The following RPS6KA2 variants were observed in gnomAD, a reference collection of about 807,000 sequenced individuals.
RPS6KA2 encodes the protein ribosomal protein S6 kinase alpha-2.
A neutral mutation model predicts 91.8 loss-of-function variants in RPS6KA2; 42 were observed. The ratio of observed to expected loss-of-function variants is 0.46; its 90% CI spans 0.36 to 0.59. The LOEUF (loss-of-function observed/expected upper bound fraction) is 0.59, where lower values mean the gene tolerates loss of function less well. Among genes scored for constraint, RPS6KA2 ranks in the 20% least tolerant of loss-of-function variants. The probability of loss-of-function intolerance (pLI) is 0.00; values close to 1 mark genes in which losing one functional copy is unlikely to be tolerated. For synonymous variants in RPS6KA2, 414 were observed against 393.6 expected, an observed-to-expected ratio of 1.05 and a Z score of -0.61; for missense variants, 798 against 978.5, an observed-to-expected ratio of 0.82 and a Z score of 2.46.
At chr6:166,571,433 A>C (rs1343195059) in intron 1 of RPS6KA2, among the ~76,000 whole-genome samples, 1 of 152,260 alleles carries the variant, frequency 6.6e-6, no homozygotes, top group Non-Finnish European at 1.5e-5. Flanking sequence ...CTGAACTTTA[A>C]AAGCTCGTAA....
At chr6:166,751,775 A>C (rs185295599) in intron 2 of RPS6KA2, among the ~76,000 whole-genome samples, 91 of 152,380 alleles carry the variant, frequency 6.0e-4, no homozygotes, top group South Asian at 5.8e-3. Flanking sequence ...ATGCAAAGCC[A>C]AACAGTGGCA....
chr6:166,549,445 A>G (rs9348147), intron 1 of RPS6KA2, among the ~76,000 whole-genome samples: 56,134 of 152,156 alleles, frequency 0.37, 11,187 homozygotes, highest in South Asian at 0.56. Context: ...GCTGCAGTAC[A>G]TCACATCATG....
chr6:166,599,795 C>T (rs974137704), intron 1 of RPS6KA2, among the ~76,000 whole-genome samples: 3 of 152,104 alleles, frequency 2.0e-5, no homozygotes, highest in South Asian at 2.1e-4. Flanking sequence ...CTGGGAGAAA[C>T]GACACAGGCT....
Position 166,812,810 on chromosome 6 carries a change from C to G in RPS6KA2, c.123+45390G>C, listed in dbSNP as rs73268909. Among the ~76,000 whole-genome samples the G allele has an allele frequency of 4.1e-3, 626 of 152,300 alleles. 8 individuals carry two copies. Among genetic ancestry groups the G allele is most frequent in the African/African-American group, 0.014 (582 of 41,568 alleles). On this transcript the variant is annotated intron_variant, in intron 2 of 21. Transcript: ENST00000503859. ...TCACATTTTTCATCTTTGAGATTCA[C>G]AGCCACATCACTGAGAAATATGTTA...
Position 166,412,866 on chromosome 6 carries a change from A to T in RPS6KA2, c.2098T>A (p.Phe700Ile), listed in dbSNP as rs1450316339. The T allele has an allele frequency of 6.4e-7, 1 of 1,561,270 alleles. No individual in the cohort carries two copies. The highest frequency in any genetic ancestry group is 1.4e-5 in the African/African-American group (1 of 73,872). The change falls in exon 21 of 21, where the codon TTT becomes ATT. Residue 700 changes from phenylalanine (F) to isoleucine (I), a missense_variant. By Grantham distance (21) the Phe-to-Ile change is conservative. Coordinates refer to ENST00000265678, the MANE Select transcript of RPS6KA2 (RefSeq NM_021135.6). The surrounding 1 kb of genome is among the most constrained non-coding windows in gnomAD (Gnocchi z 4.3). ...GCCTGAGGTGTTCTGTTTAGAGCAA[A>T]GTAGGTGGCGGCCATCGCGCCCTGC... Reference protein sequence around the residue: ...LVKGAMAATYFALNRTPQAPR... With the variant: ...LVKGAMAATYIALNRTPQAPR...
intron 2 of RPS6KA2, among the ~76,000 whole-genome samples, chr6:166,638,984 G>A (rs901199741): frequency 1.3e-5 from 2 of 152,052 alleles, no homozygotes; most frequent in African/African-American, 4.8e-5. Context: ...TGAAGAGGGA[G>A]GAAGAAGAGG....
chr6:166,455,590 C>T (rs983070753), intron 12 of RPS6KA2, among the ~76,000 whole-genome samples: 2 of 152,190 alleles, frequency 1.3e-5, no homozygotes, highest in Non-Finnish European at 2.9e-5. Flanking sequence ...TCCAGACTAG[C>T]GAAGCGTCGT....
chr6:166,802,054 G>A (rs201685660), intron 2 of RPS6KA2, among the ~76,000 whole-genome samples: 32 of 151,926 alleles, frequency 2.1e-4, no homozygotes, highest in African/African-American at 7.7e-4. Flanking sequence ...TCAGGAGATC[G>A]AGACCATCCT....
chr6:166,416,712 C>G (rs74300212), intron 19 of RPS6KA2, among the ~76,000 whole-genome samples: 2 of 151,542 alleles, frequency 1.3e-5, no homozygotes, highest in African/African-American at 4.9e-5. Flanking sequence ...TCTCCACAAT[C>G]GTCACCTCCA....
intron 2 of RPS6KA2, among the ~76,000 whole-genome samples, chr6:166,646,744 C>A (rs1257776260): frequency 6.6e-6 from 1 of 152,186 alleles, no homozygotes; most frequent in Non-Finnish European, 1.5e-5. Context: ...ATCCTTGACT[C>A]CTACCAAGCA....
chr6:166,843,445 C>T (rs750017858), intron 2 of RPS6KA2, among the ~76,000 whole-genome samples: 1 of 152,206 alleles, frequency 6.6e-6, no homozygotes, highest in East Asian at 1.9e-4. Context: ...GCACCACCTC[C>T]TGGCTGGAGG....
In RPS6KA2 at chr6:166,774,738, G is replaced by A. The variant is rs1485324067; in HGVS notation, c.123+83462C>T. 4.6e-5 allele frequency among the ~76,000 whole-genome samples: 7 copies of A among 152,190 alleles called. No homozygotes were observed. In the East Asian group the frequency reaches 1.3e-3, roughly 29 times the overall value. On this transcript the variant is annotated intron_variant, in intron 2 of 21. Transcript: ENST00000503859. ...CATATTGGGCTCCCAGCAGACAGCA[G>A]CCATCAGTGAACATCAGCATGATGA...
chr6:166,721,062 C>T (rs896634167), intron 2 of RPS6KA2, among the ~76,000 whole-genome samples: 4 of 152,224 alleles, frequency 2.6e-5, no homozygotes, highest in Non-Finnish European at 4.4e-5. Context: ...TGAGTTCACA[C>T]AAGCAAGTGC....
intron 1 of RPS6KA2, among the ~76,000 whole-genome samples, chr6:166,566,344 G>A (rs536292572): frequency 5.9e-5 from 9 of 152,324 alleles, no homozygotes; most frequent in South Asian, 2.1e-4. Context: ...CTTCACAGGC[G>A]TAGGCAGTGT....
intron 5 of RPS6KA2, among the ~76,000 whole-genome samples, chr6:166,507,221 C>T (rs917468469): frequency 1.3e-5 from 2 of 152,132 alleles, no homozygotes; most frequent in East Asian, 1.9e-4. Context: ...CACCGACCTG[C>T]GCCTTCCATC....
At chr6:166,783,045 T>C (rs2128610940) in intron 2 of RPS6KA2, among the ~76,000 whole-genome samples, 1 of 139,764 alleles carries the variant, frequency 7.2e-6, no homozygotes, top group Non-Finnish European at 1.5e-5. Context: ...GGGTATCTTT[T>C]AGGTATTATT....
chr6:166,751,559 TCTG>T lies in RPS6KA2; in HGVS notation c.123+106638_123+106640del, dbSNP rs1791285489. 4.6e-5 allele frequency among the ~76,000 whole-genome samples: 7 copies of T among 152,362 alleles called. 1 individual carries two copies. The East Asian group carries it at 1.4e-3, about 29-fold the overall frequency. On this transcript the variant is annotated intron_variant, in intron 2 of 21. Coordinates refer to the RPS6KA2 transcript ENST00000503859. ...CGACAGGGGCTTGAGGCTTGGCTTC[TCTG>T]CTGGCCTAGGTGTCTGGAACGGCTG...
At chr6:166,628,539 C>T (rs118165422), upstream of RPS6KA2, among the ~76,000 whole-genome samples, 61 of 152,348 alleles carry the variant, frequency 4.0e-4, 1 homozygote, top group East Asian at 0.012. Context: ...GTCAGAATGT[C>T]CTTAAATAAG....
At chr6:166,516,348 T>G (rs1782640840) in intron 3 of RPS6KA2, among the ~76,000 whole-genome samples, 1 of 152,066 alleles carries the variant, frequency 6.6e-6, no homozygotes, top group Non-Finnish European at 1.5e-5. Flanking sequence ...TCAGAAAGAT[T>G]TCTCTCAAAG....
Sources: allele counts gnomAD v4.1 joint callset (sites outside exome capture counted in the v4.1 genomes callset), GRCh38; gene constraint gnomAD v4.1.1; non-coding constraint Gnocchi (gnomAD v3.1); transcripts MANE v1.5; gene names NCBI Gene and HGNC (gene_info 2026-07-23, HGNC 2026-07-21).